TMEM178B: variants seen among roughly 807,000 people sequenced by gnomAD.
TMEM178B encodes the protein transmembrane protein 178B.
In TMEM178B, 5 loss-of-function variants were observed where a neutral mutation model predicts 31.0. The ratio of observed to expected loss-of-function variants is 0.16; its 90% CI spans 0.08 to 0.34. The LOEUF (loss-of-function observed/expected upper bound fraction) is 0.34. TMEM178B is among the 10% of genes least tolerant of loss of function. TMEM178B has a pLI of 1.00. For missense variants in TMEM178B, 275 were observed against 400.3 expected (o/e 0.69, Z 2.67); for synonymous variants, 164 against 164.0 (o/e 1.00, Z 0.00).
intron 2 of TMEM178B, among the ~76,000 whole-genome samples, chr7:141,224,882 A>C (rs376082115): frequency 6.6e-6 from 1 of 152,124 alleles, no homozygotes; most frequent in Non-Finnish European, 1.5e-5. Flanking sequence ...ACACTCCCAC[A>C]TTGGGCACTT....
intron 1 of TMEM178B, among the ~76,000 whole-genome samples, chr7:141,133,187 G>T (rs1400443057): frequency 6.6e-6 from 1 of 151,996 alleles, no homozygotes; most frequent in East Asian, 1.9e-4. Context: ...AAAGCAAAAA[G>T]ATATGACACC....
intron 2 of TMEM178B, among the ~76,000 whole-genome samples, chr7:141,314,699 C>T (rs761197358): frequency 1.3e-5 from 2 of 152,184 alleles, no homozygotes; most frequent in African/African-American, 2.4e-5. Context: ...AATCTTGCTT[C>T]TCTTCTACCT....
chr7:141,492,135 C>T, the TMEM178B span, among the ~76,000 whole-genome samples: 1 of 152,146 alleles, frequency 6.6e-6, no homozygotes, highest in African/African-American at 2.4e-5. Flanking sequence ...ACTAATCTGA[C>T]ACCACCTCAG....
chr7:141,415,392 T>C (rs1443415230), intron 2 of TMEM178B: 1 of 152,826 alleles, frequency 6.5e-6, no homozygotes, highest in Non-Finnish European at 1.5e-5. Context: ...TCATGTAAAC[T>C]ATCTCATTTT....
chr7:141,129,704 C>T (rs538598953), intron 1 of TMEM178B, among the ~76,000 whole-genome samples: 1 of 152,212 alleles, frequency 6.6e-6, no homozygotes, highest in Admixed American at 6.5e-5. Flanking sequence ...ATGATATAGC[C>T]CTCAGGAGGG....
the TMEM178B span, among the ~76,000 whole-genome samples, chr7:141,491,892 A>G: frequency 6.6e-6 from 1 of 152,092 alleles, no homozygotes; most frequent in African/African-American, 2.4e-5. Context: ...CTGGACCACC[A>G]CAGTCATCAG....
intron 3 of TMEM178B, among the ~76,000 whole-genome samples, chr7:141,450,934 G>A (rs1801851589): frequency 6.6e-6 from 1 of 152,158 alleles, no homozygotes; most frequent in Non-Finnish European, 1.5e-5. Context: ...TTACTTTTGT[G>A]TTCCTGTGAC....
chr7:141,388,734 A>G (rs901809063), intron 2 of TMEM178B, among the ~76,000 whole-genome samples: 2 of 152,232 alleles, frequency 1.3e-5, no homozygotes, highest in African/African-American at 2.4e-5. Flanking sequence ...CTCCTTTGCC[A>G]TTTGGAAGTT....
At chr7:141,272,240 T>C (rs1479434595) in intron 2 of TMEM178B, among the ~76,000 whole-genome samples, 1 of 152,232 alleles carries the variant, frequency 6.6e-6, no homozygotes, top group Non-Finnish European at 1.5e-5. Flanking sequence ...TCCCACATAG[T>C]GTTATGTTTG....
rs59921670 is a variant in TMEM178B at position 141,322,230 on chromosome 7, T to C, written c.496+109526T>C. ...ACTTCAGTGTCCATTAGAGATGTTA[T>C]AAGAATAAAGAGTAGGCAGGGCCTG... On this transcript the variant is annotated intron_variant, in intron 2 of 3. Coordinates refer to ENST00000565468, the MANE Select transcript of TMEM178B (RefSeq NM_001195278.2). 9.0e-3 allele frequency among the ~76,000 whole-genome samples: 1,374 copies of C among 152,152 alleles called. 17 individuals carry two copies. Among genetic ancestry groups the C allele is most frequent in the African/African-American group, 0.031 (1,288 of 41,524 alleles).
the TMEM178B span, among the ~76,000 whole-genome samples, chr7:141,510,697 AAAAAAAAAAAAAAAAG>A: frequency 6.9e-6 from 1 of 144,174 alleles, no homozygotes; most frequent in Non-Finnish European, 1.5e-5. Context: ...AAAAAAAAAA[AAAAAAAAAAAAAAAAG>A]AAAAAAAAAG....
chr7:141,074,281 A>T lies in TMEM178B; in HGVS notation c.-30A>T. On this transcript the variant is annotated 5_prime_UTR_variant, in exon 1 of 4. An upstream start codon of the reference 5' UTR is lost. Transcript: ENST00000565468. This position sits in a 1 kb window ranked among gnomAD's most constrained non-coding sequence, Gnocchi z 5.1. ...AGGGAAGGCGAGGCTGCGGCGGATC[A>T]TGCCCATGGTGTAGCCGCCAAGCGG... The T allele has an allele frequency of 6.8e-7, 1 of 1,480,158 alleles. No individual in the cohort carries two copies. The highest frequency in any genetic ancestry group is 1.3e-5 in the South Asian group (1 of 76,692). 91.7% of individuals were successfully genotyped at this position (1,480,158 alleles called of 1,614,324 possible).
chr7:141,460,550 G>A (rs1278774897), intron 3 of TMEM178B, among the ~76,000 whole-genome samples: 1 of 152,248 alleles, frequency 6.6e-6, no homozygotes, highest in Non-Finnish European at 1.5e-5. Context: ...AACCAAGGGA[G>A]AAGACTCCAG....
chr7:141,192,963 T>C (rs988448863), intron 1 of TMEM178B, among the ~76,000 whole-genome samples: 13 of 152,144 alleles, frequency 8.5e-5, no homozygotes, highest in Non-Finnish European at 1.8e-4. Context: ...TTCCATCTTC[T>C]GTAAGCAGGA....
intron 3 of TMEM178B, among the ~76,000 whole-genome samples, chr7:141,458,172 T>C (rs1200189668): frequency 6.6e-6 from 1 of 152,214 alleles, no homozygotes; most frequent in African/African-American, 2.4e-5. Flanking sequence ...CAGGCTGGAG[T>C]GCAGTGGTGT....
intron 1 of TMEM178B, among the ~76,000 whole-genome samples, chr7:141,194,599 T>C (rs1290494700): frequency 6.6e-6 from 1 of 152,060 alleles, no homozygotes; most frequent in East Asian, 1.9e-4. Flanking sequence ...CCTGGGCTGG[T>C]GTTTAGTGTC....
chr7:141,293,062 T>C (rs1798574008), intron 2 of TMEM178B, among the ~76,000 whole-genome samples: 1 of 152,096 alleles, frequency 6.6e-6, no homozygotes, highest in South Asian at 2.1e-4. Context: ...GACCTATAGG[T>C]CCACCGCAAT....
chr7:141,170,213 C>T (rs1297895212), intron 1 of TMEM178B, among the ~76,000 whole-genome samples: 2 of 152,098 alleles, frequency 1.3e-5, no homozygotes, highest in Non-Finnish European at 2.9e-5. Context: ...TAAGTATTTT[C>T]ATATTGTTAT....
At chr7:141,412,067 C>T (rs545466097) in intron 2 of TMEM178B, among the ~76,000 whole-genome samples, 1 of 152,226 alleles carries the variant, frequency 6.6e-6, no homozygotes, top group Non-Finnish European at 1.5e-5. Context: ...TCAGTATGCC[C>T]TTCATAGTCC....
Sources: allele counts gnomAD v4.1 joint callset (sites outside exome capture counted in the v4.1 genomes callset), GRCh38; gene constraint gnomAD v4.1.1; non-coding constraint Gnocchi (gnomAD v3.1); transcripts MANE v1.5; gene names NCBI Gene and HGNC (gene_info 2026-07-23, HGNC 2026-07-21).